SIPA1L2: variants seen among roughly 807,000 people sequenced by gnomAD.
SIPA1L2 encodes the protein signal induced proliferation associated 1 like 2.
In SIPA1L2, 56 loss-of-function variants were observed where a neutral mutation model predicts 163.9. The ratio of observed to expected loss-of-function variants is 0.34; its 90% confidence interval spans 0.28 to 0.43. SIPA1L2 has a LOEUF of 0.43. SIPA1L2 is among the 20% of genes least tolerant of loss of function. The pLI is 1.00. For synonymous variants in SIPA1L2, 877 were observed against 865.7 expected, an observed-to-expected ratio of 1.01 and a Z score of -0.23; for missense variants, 1,974 against 2,193.5, an observed-to-expected ratio of 0.90 and a Z score of 2.00.
In SIPA1L2 at chr1:232,439,295, G is replaced by A. The variant is rs1488223172; in HGVS notation, c.3844C>T (p.His1282Tyr). ...ATCAGGGACCTGCTGCCTGCCAGGT[G>A]CACAGGGCCGAGGATGGTGGCAGGC... The part of the protein sequence containing the change: ...CMPATILGPV[H>Y]LAGSRSLIHS... Residue 1282 changes from histidine (H) to tyrosine (Y), a missense_variant, in exon 15 of 23, where the codon CAC becomes TAC. Transcript: ENST00000674635. The A allele has an allele frequency of 7.4e-6, 12 of 1,614,040 alleles. No individual in the cohort carries two copies. Among genetic ancestry groups the A allele is most frequent in the South Asian group, 1.1e-5 (1 of 91,078 alleles).
At chr1:232,609,543 G>C (rs1662132090) in intron 1 of SIPA1L2, among the ~76,000 whole-genome samples, 1 of 152,078 alleles carries the variant, frequency 6.6e-6, no homozygotes, top group Non-Finnish European at 1.5e-5. Flanking sequence ...CAAGAACGAA[G>C]CAAGCGGCTG....
At chr1:232,532,565 C>T (rs1657028982) in intron 2 of SIPA1L2, among the ~76,000 whole-genome samples, 2 of 152,186 alleles carry the variant, frequency 1.3e-5, no homozygotes, top group South Asian at 4.1e-4. Context: ...TAAATGCTGA[C>T]TTACCTTGCA....
At chr1:232,549,882 G>C (rs930555566) in intron 2 of SIPA1L2, among the ~76,000 whole-genome samples, 2 of 152,214 alleles carry the variant, frequency 1.3e-5, no homozygotes, top group Admixed American at 1.3e-4. Flanking sequence ...CAGGGAAAAA[G>C]AATGGTGCTC....
chr1:232,450,026 C>T (rs915193284), intron 10 of SIPA1L2, among the ~76,000 whole-genome samples: 4 of 152,104 alleles, frequency 2.6e-5, no homozygotes, highest in African/African-American at 9.7e-5. Context: ...TTCATGGTAG[C>T]GTTAATAGAG....
intron 1 of SIPA1L2, among the ~76,000 whole-genome samples, chr1:232,588,995 T>C (rs1660825826): frequency 6.6e-6 from 1 of 151,872 alleles, no homozygotes; most frequent in African/African-American, 2.4e-5. Flanking sequence ...AAACAAAAAC[T>C]CTTTGGAGTC....
At chr1:232,401,408 T>A (rs1269335817) in intron 22 of SIPA1L2, among the ~76,000 whole-genome samples, 1 of 152,204 alleles carries the variant, frequency 6.6e-6, no homozygotes, top group Non-Finnish European at 1.5e-5. Flanking sequence ...GCAAGTCTCC[T>A]AAACCCGGTT....
intron 3 of SIPA1L2, among the ~76,000 whole-genome samples, chr1:232,511,326 G>T (rs77400078): frequency 0.012 from 1,866 of 152,292 alleles, 42 homozygotes; most frequent in African/African-American, 0.043. Flanking sequence ...ACCAAGATCT[G>T]TTGACAAAAC....
At chr1:232,436,833 T>C (rs1662594320) in intron 15 of SIPA1L2, among the ~76,000 whole-genome samples, 1 of 152,220 alleles carries the variant, frequency 6.6e-6, no homozygotes, top group Non-Finnish European at 1.5e-5. Flanking sequence ...TTTCATTCAA[T>C]GACTGAATTC....
At chr1:232,525,152 G>GT (rs1270574672) in intron 2 of SIPA1L2, among the ~76,000 whole-genome samples, 2,684 of 137,366 alleles carry the variant, frequency 0.02, 69 homozygotes, top group African/African-American at 0.063. Context: ...TTAATTTAAC[G>GT]TTTTTTTTTT....
intron 1 of SIPA1L2, among the ~76,000 whole-genome samples, chr1:232,577,252 G>T (rs1207648767): frequency 1.3e-5 from 2 of 152,148 alleles, no homozygotes; most frequent in Non-Finnish European, 2.9e-5. Context: ...CAGCACATGT[G>T]TTTACAGCAT....
intron 21 of SIPA1L2, 31 bp downstream of exon 21, chr1:232,403,417 A>G (rs2102741927): frequency 6.2e-7 from 1 of 1,601,654 alleles, no homozygotes; most frequent in East Asian, 2.2e-5. Context: ...CTGGAACAGC[A>G]GGAGGGAGGG....
chr1:232,541,676 G>T (rs1657687783), intron 2 of SIPA1L2, among the ~76,000 whole-genome samples: 1 of 152,032 alleles, frequency 6.6e-6, no homozygotes, highest in Admixed American at 6.6e-5. Flanking sequence ...CTCATTTGAT[G>T]CTTTTTACTG....
At chr1:232,404,021 C>G (rs1036329701) in intron 20 of SIPA1L2, 104 bp downstream of exon 20, 10 of 1,342,574 alleles carry the variant, frequency 7.4e-6, no homozygotes, top group Non-Finnish European at 1.1e-5. Flanking sequence ...GCTGTGCACC[C>G]CCAACCCTCA....
At chr1:232,622,138 T>A (rs919047727) in intron 1 of SIPA1L2, among the ~76,000 whole-genome samples, 1 of 152,376 alleles carries the variant, frequency 6.6e-6, no homozygotes, top group East Asian at 1.9e-4. Context: ...ATGTATGCCT[T>A]GCTTACAGCA....
chr1:232,535,985 T>A (rs957477401), intron 2 of SIPA1L2, among the ~76,000 whole-genome samples: 6 of 152,182 alleles, frequency 3.9e-5, no homozygotes, highest in African/African-American at 1.2e-4. Context: ...CTAAAACAGG[T>A]GAGAATTCTC....
chr1:232,432,260 T>C lies in SIPA1L2; in HGVS notation c.4243A>G (p.Thr1415Ala), dbSNP rs775195343. The C allele has an allele frequency of 6.2e-7, 1 of 1,613,806 alleles. No individual in the cohort carries two copies. Among genetic ancestry groups the C allele is most frequent in the Non-Finnish European group, 8.5e-7 (1 of 1,179,966 alleles). Reference sequence around the variant, plus strand: ...CAGCCACCTTACCCGGGACATTCAGTCACTTCAGGCTCCTCGGGCGGTGGG... The same window carrying C: ...CAGCCACCTTACCCGGGACATTCAGCCACTTCAGGCTCCTCGGGCGGTGGG... Reference protein sequence around the residue: ...GSPPPEEPEVTECPGMYSEMD... With the variant: ...GSPPPEEPEVAECPGMYSEMD... Residue 1415 changes from threonine (T) to alanine (A), a missense_variant, in exon 16 of 23, where the codon ACT becomes GCT. This residue lies in a region of SIPA1L2 where 1,079 missense variants were observed against 1,150.7 expected (regional missense o/e 0.94). Coordinates refer to ENST00000674635, the MANE Select transcript of SIPA1L2 (RefSeq NM_020808.5).
intron 2 of SIPA1L2, among the ~76,000 whole-genome samples, chr1:232,524,304 T>C (rs565968723): frequency 6.6e-6 from 1 of 152,226 alleles, no homozygotes; most frequent in East Asian, 1.9e-4. Context: ...AACAATAGTA[T>C]ACCACTTCTG....
chr1:232,415,260 G>A (rs3737836), intron 19 of SIPA1L2, among the ~76,000 whole-genome samples: 1 of 152,174 alleles, frequency 6.6e-6, no homozygotes, highest in Non-Finnish European at 1.5e-5. Context: ...GCTAGAATTC[G>A]GGTTTTCAGA....
At position 232,445,519 on chromosome 1, in the gene SIPA1L2, C is replaced by A. The variant is rs758686102; in HGVS notation, c.3353+10G>T. ...AAGGGCCCCCCTTGAGGAAACGGAA[C>A]CAGCATTACCTCGTGCCATCGGGCA... On this transcript the variant is annotated intron_variant, in intron 11 of 22. Transcript: ENST00000674635. 6.8e-6 allele frequency: 11 copies of A among 1,613,406 alleles called. No individual in the cohort carries two copies. In the South Asian group the frequency reaches 1.2e-4, roughly 18 times the overall value.
Sources: gnomAD v4.1 joint callset for allele counts (sites outside exome capture counted in the v4.1 genomes callset) on GRCh38, gnomAD v4.1.1 for gene constraint, gnomAD v4.1.1 regional missense constraint, MANE v1.5 for transcripts, NCBI Gene and HGNC (gene_info 2026-07-23, HGNC 2026-07-21) for gene names.